PARD3B: variants seen among roughly 807,000 people sequenced by gnomAD.
PARD3B encodes the protein par-3 family cell polarity regulator beta, also known as partitioning defective 3 homolog B.
A neutral mutation model predicts 130.2 loss-of-function variants in PARD3B; 103 were observed. The observed-to-expected ratio is 0.79, with a 90% CI of 0.67 to 0.93. The LOEUF is 0.93. Ranked by LOEUF, PARD3B falls within the 40% of genes least tolerant of loss-of-function variation. The pLI is 0.00. For synonymous variants in PARD3B, 583 were observed against 553.2 expected (o/e 1.05, Z -0.76); for missense variants, 1,609 against 1,499.2 (o/e 1.07, Z -1.21).
chr2:205,612,856 G>A (rs534298771), intron 22 of PARD3B, among the ~76,000 whole-genome samples: 110 of 152,242 alleles, frequency 7.2e-4, no homozygotes, highest in African/African-American at 2.1e-3. Flanking sequence ...ATCTGCCCAC[G>A]GGAAGCCTCC....
chr2:205,431,347 G>T (rs1416033927), intron 19 of PARD3B, among the ~76,000 whole-genome samples: 1 of 152,150 alleles, frequency 6.6e-6, no homozygotes, highest in Non-Finnish European at 1.5e-5. Flanking sequence ...AAAGTGCTGG[G>T]ATTACAGGCA....
intron 15 of PARD3B, among the ~76,000 whole-genome samples, chr2:205,205,916 T>C (rs534573012): frequency 3.9e-5 from 6 of 152,150 alleles, no homozygotes; most frequent in African/African-American, 9.7e-5. Flanking sequence ...TCTTCTTTGG[T>C]TGTGCCTCTG....
At position 205,550,965 on chromosome 2, in the gene PARD3B, A is replaced by ATGTGTGTGTG. The variant is rs2052611469; in HGVS notation, c.3181-2358_3181-2357insGTGTGTGTGT. Among the ~76,000 whole-genome samples the ATGTGTGTGTG allele has an allele frequency of 1.9e-5, 2 of 103,502 alleles. No homozygotes were observed. The highest frequency in any genetic ancestry group is 2.2e-5 in the Non-Finnish European group (1 of 46,188). 67.9% of individuals were successfully genotyped at this position (103,502 alleles called of 152,430 possible). A position where few individuals can be genotyped will look rare whatever the true frequency, so the allele number is the denominator to read the frequency against. ...TGTATATATATATGTGTATATATAT[A>ATGTGTGTGTG]TATATATATATACACACACACACAC... is the stretch of plus-strand genomic sequence containing the variant. On this transcript the variant is annotated intron_variant, in intron 21 of 22. Transcript: ENST00000406610. This position sits in a 1 kb window ranked among gnomAD's most constrained non-coding sequence, Gnocchi z 4.5.
At chr2:204,873,369 A>C (rs963722732) in intron 2 of PARD3B, among the ~76,000 whole-genome samples, 1 of 152,218 alleles carries the variant, frequency 6.6e-6, no homozygotes, top group Non-Finnish European at 1.5e-5. Context: ...AGCTGAGTCC[A>C]AGCCCCAGGT....
intron 2 of PARD3B, among the ~76,000 whole-genome samples, chr2:204,958,791 A>T (rs1452094809): frequency 2.6e-5 from 4 of 152,196 alleles, no homozygotes; most frequent in Non-Finnish European, 4.4e-5. Flanking sequence ...ACATGTTCAC[A>T]CACACTTTTA....
At chr2:205,047,734 CT>C (rs1559386259) in intron 4 of PARD3B, 44 bp downstream of exon 4, 1 of 1,392,414 alleles carries the variant, frequency 7.2e-7, no homozygotes, top group Admixed American at 2.0e-5. Flanking sequence ...GATCAAAGTG[CT>C]GTACCCATAG....
chr2:205,381,159 TA>T (rs1233943971), intron 18 of PARD3B, among the ~76,000 whole-genome samples: 1 of 120,824 alleles, frequency 8.3e-6, no homozygotes, highest in African/African-American at 3.2e-5. Context: ...ATATAATATA[TA>T]TAAAGAATAT....
chr2:205,161,731 C>T (rs1185636424), intron 11 of PARD3B, among the ~76,000 whole-genome samples: 1 of 152,168 alleles, frequency 6.6e-6, no homozygotes, highest in Admixed American at 6.5e-5. Flanking sequence ...TTTGTCTCAG[C>T]ATTTGGCCCT....
At chr2:204,884,173 C>T (rs914612395) in intron 2 of PARD3B, among the ~76,000 whole-genome samples, 1 of 152,246 alleles carries the variant, frequency 6.6e-6, no homozygotes, top group Admixed American at 6.5e-5. Context: ...CCTAGAAAAC[C>T]ATTGTAAATG....
chr2:204,563,815 C>T (rs183852693), intron 1 of PARD3B, among the ~76,000 whole-genome samples: 14 of 152,118 alleles, frequency 9.2e-5, no homozygotes, highest in Non-Finnish European at 1.9e-4. Context: ...GCTCTGTCAC[C>T]CAGGCTAGAG....
chr2:204,597,785 C>G (rs2033358654), intron 1 of PARD3B, among the ~76,000 whole-genome samples: 1 of 152,002 alleles, frequency 6.6e-6, no homozygotes, highest in Admixed American at 6.6e-5. Context: ...GCAGAGGATG[C>G]CTTTATAGAC....
chr2:204,771,202 C>T (rs1186266596), intron 2 of PARD3B, among the ~76,000 whole-genome samples: 2 of 151,842 alleles, frequency 1.3e-5, no homozygotes, highest in Non-Finnish European at 2.9e-5. Flanking sequence ...TCTTCCATTT[C>T]AAAATGGGTT....
At chr2:204,698,546 T>C (rs1404762176) in intron 2 of PARD3B, among the ~76,000 whole-genome samples, 1 of 151,928 alleles carries the variant, frequency 6.6e-6, no homozygotes, top group Non-Finnish European at 1.5e-5. Context: ...GATTGTTGAT[T>C]GGGTTTTTTT....
At position 205,219,605 on chromosome 2, in the gene PARD3B, G is replaced by A. The variant is rs552490022; in HGVS notation, c.2141-26173G>A. 4.2e-3 allele frequency among the ~76,000 whole-genome samples: 643 copies of A among 152,164 alleles called. 2 individuals are homozygous for A. Among genetic ancestry groups the A allele is most frequent in the African/African-American group, 0.013 (529 of 41,524 alleles). ...ACTTATTGTAGCCAAGAACAAAGCA[G>A]CTATACAATCCCCAGCCAGAAACCA... On this transcript the variant is annotated intron_variant, in intron 15 of 22. Transcript: ENST00000406610.
Position 205,150,235 on chromosome 2 carries a change from G to GTT in PARD3B, c.1435-8486_1435-8485insTT, listed in dbSNP as rs1333224577. Among the ~76,000 whole-genome samples the GTT allele has an allele frequency of 1.1e-4, 14 of 124,134 alleles. No homozygotes were observed. In the South Asian group the frequency reaches 1.3e-3, roughly 12 times the overall value. 81.4% of individuals were successfully genotyped at this position (124,134 alleles called of 152,430 possible). A position where few individuals can be genotyped will look rare whatever the true frequency, so the allele number is the denominator to read the frequency against. On this transcript the variant is annotated intron_variant, in intron 10 of 22. Transcript: ENST00000406610. ...TCTGTGTGTGTGTGTGTGTGTGTGT[G>GTT]TGTGTGTGTGTGTGTGTGCACACAC...
chr2:204,740,877 A>G lies in PARD3B; in HGVS notation c.222+54595A>G, dbSNP rs540583886. Among the ~76,000 whole-genome samples the G allele has an allele frequency of 1.1e-4, 16 of 152,330 alleles. No homozygotes were observed. In the East Asian group the frequency reaches 2.9e-3, roughly 28 times the overall value. On this transcript the variant is annotated intron_variant, in intron 2 of 22. Transcript: ENST00000406610. ...CCCAATATTGTTTCTCATATTTGAT[A>G]GTGGATGTTTTTGTGTATCTTAAAG...
chr2:204,627,082 GTCGTCT>G (rs1404466094), intron 1 of PARD3B, among the ~76,000 whole-genome samples: 1 of 152,064 alleles, frequency 6.6e-6, no homozygotes, highest in Non-Finnish European at 1.5e-5. Context: ...TCCTTCACTG[GTCGTCT>G]TCTCTCTTTC....
intron 18 of PARD3B, among the ~76,000 whole-genome samples, chr2:205,345,009 G>A (rs967799881): frequency 6.6e-6 from 1 of 152,122 alleles, no homozygotes; most frequent in Non-Finnish European, 1.5e-5. Flanking sequence ...ACTACCAACA[G>A]GGCCAGCATA....
chr2:205,289,385 G>T (rs964694132), intron 16 of PARD3B, among the ~76,000 whole-genome samples: 1 of 152,156 alleles, frequency 6.6e-6, no homozygotes. Flanking sequence ...ATGCTAAGCG[G>T]TGACATGTAC....
Sources: gnomAD v4.1 joint callset for allele counts (sites outside exome capture counted in the v4.1 genomes callset) on GRCh38, gnomAD v4.1.1 for gene constraint, Gnocchi (gnomAD v3.1) non-coding constraint, MANE v1.5 for transcripts, NCBI Gene and HGNC (gene_info 2026-07-23, HGNC 2026-07-21) for gene names.